Variants in CCSER1 observed in about 807,000 individuals in gnomAD.
CCSER1 encodes the protein coiled-coil serine rich protein 1.
In CCSER1, 41 loss-of-function variants were observed where a neutral mutation model predicts 82.0. That is an observed-to-expected ratio of 0.50 (90% CI 0.39 to 0.65). The LOEUF (loss-of-function observed/expected upper bound fraction) is 0.65. Among genes scored for constraint, CCSER1 ranks in the 30% least tolerant of loss-of-function variants. The probability of loss-of-function intolerance (pLI) is 0.00; values close to 1 mark genes in which losing one functional copy is unlikely to be tolerated. For synonymous variants in CCSER1, 414 were observed against 383.9 expected (o/e 1.08, Z -0.92); for missense variants, 1,119 against 1,064.2 (o/e 1.05, Z -0.72).
At chr4:90,825,433 G>A (rs17188252) in intron 8 of CCSER1, among the ~76,000 whole-genome samples, 24,935 of 151,820 alleles carry the variant, frequency 0.16, 2,561 homozygotes, top group South Asian at 0.26. Context: ...TTTAACAAAC[G>A]CAACAATTTA....
chr4:90,696,765 C>G (rs1737064273), intron 6 of CCSER1, among the ~76,000 whole-genome samples: 1 of 152,100 alleles, frequency 6.6e-6, no homozygotes, highest in Non-Finnish European at 1.5e-5. Context: ...CTATTACTCT[C>G]CATTTCACAG....
At chr4:91,384,429 G>GTTAC (rs1751141318) in intron 10 of CCSER1, among the ~76,000 whole-genome samples, 2 of 79,926 alleles carry the variant, frequency 2.5e-5, no homozygotes, top group Admixed American at 2.7e-4. Flanking sequence ...CATGATATTA[G>GTTAC]ATTTTTCAAA....
chr4:91,473,459 T>C (rs759852806), intron 10 of CCSER1, among the ~76,000 whole-genome samples: 3 of 152,118 alleles, frequency 2.0e-5, no homozygotes, highest in Non-Finnish European at 4.4e-5. Context: ...TCATTTGGTC[T>C]GGGATTTCTT....
In CCSER1 at chr4:91,041,140, G is replaced by A. The variant is rs140650216; in HGVS notation, c.2173-44810G>A. On this transcript the variant is annotated intron_variant, in intron 9 of 10. Transcript: ENST00000509176. The stretch of plus-strand genomic sequence containing the variant: ...GTATCAGGTGGACTAGGGGAGATGA[G>A]GGGGAGGAATCAGGAAAGCAATGGG... 5.6e-3 allele frequency among the ~76,000 whole-genome samples: 856 copies of A among 152,244 alleles called. 5 individuals are homozygous for A. The highest frequency in any genetic ancestry group is 7.4e-3 in the Non-Finnish European group (504 of 68,010).
At chr4:91,007,621 G>C (rs1599457) in intron 9 of CCSER1, among the ~76,000 whole-genome samples, 49,346 of 145,124 alleles carry the variant, frequency 0.34, 9,150 homozygotes, top group Middle Eastern at 0.44. Context: ...CTATTTATTT[G>C]TCTTCTCTTT....
At chr4:90,218,121 G>A (rs1413916853) in intron 1 of CCSER1, among the ~76,000 whole-genome samples, 1 of 152,112 alleles carries the variant, frequency 6.6e-6, no homozygotes, top group African/African-American at 2.4e-5. Context: ...AGTTTCTTAA[G>A]GGTTTTTATC....
chr4:91,167,646 G>A (rs984777423), intron 10 of CCSER1, among the ~76,000 whole-genome samples: 1 of 152,140 alleles, frequency 6.6e-6, no homozygotes, highest in African/African-American at 2.4e-5. Flanking sequence ...TTATGCAACT[G>A]TTTGCTTAAT....
chr4:91,324,125 A>G (rs1472858293), intron 10 of CCSER1, among the ~76,000 whole-genome samples: 2 of 152,182 alleles, frequency 1.3e-5, no homozygotes, highest in Non-Finnish European at 2.9e-5. Context: ...AATGGAAACA[A>G]TTTAGGTAGA....
intron 9 of CCSER1, among the ~76,000 whole-genome samples, chr4:90,952,961 A>T (rs554497684): frequency 6.6e-6 from 1 of 152,180 alleles, no homozygotes; most frequent in African/African-American, 2.4e-5. Flanking sequence ...CCATAGAAAA[A>T]TTATCTAAAT....
chr4:91,123,883 C>A (rs138711460), intron 10 of CCSER1, among the ~76,000 whole-genome samples: 1 of 151,698 alleles, frequency 6.6e-6, no homozygotes, highest in Non-Finnish European at 1.5e-5. Flanking sequence ...ATAGTGTCAT[C>A]CTAATTTAAT....
intron 9 of CCSER1, among the ~76,000 whole-genome samples, chr4:90,953,270 G>A (rs1337935234): frequency 6.6e-6 from 1 of 151,622 alleles, no homozygotes; most frequent in Non-Finnish European, 1.5e-5. Context: ...GATCATCTTA[G>A]AACATCAAGG....
At chr4:91,165,723 G>C (rs1416961934) in intron 10 of CCSER1, among the ~76,000 whole-genome samples, 4 of 152,226 alleles carry the variant, frequency 2.6e-5, no homozygotes, top group Non-Finnish European at 4.4e-5. Flanking sequence ...CCATGGGCAT[G>C]GCACCCGCCA....
intron 5 of CCSER1, among the ~76,000 whole-genome samples, chr4:90,543,592 C>T (rs1327448619): frequency 1.3e-5 from 2 of 152,210 alleles, no homozygotes; most frequent in African/African-American, 2.4e-5. Context: ...TACCAGGCAC[C>T]CCATGACAGA....
At chr4:91,061,590 G>C (rs1581451703) in intron 9 of CCSER1, among the ~76,000 whole-genome samples, 1 of 151,864 alleles carries the variant, frequency 6.6e-6, no homozygotes, top group Non-Finnish European at 1.5e-5. Context: ...TTTCCCTGAA[G>C]CTATAACAAG....
At chr4:90,228,826 A>G (rs1743812209) in intron 1 of CCSER1, among the ~76,000 whole-genome samples, 1 of 152,262 alleles carries the variant, frequency 6.6e-6, no homozygotes, top group Non-Finnish European at 1.5e-5. Flanking sequence ...TGAAGAATGC[A>G]GAAGCCTCAG....
Position 91,148,753 on chromosome 4 carries a change from C to T in CCSER1, c.2217+62759C>T, listed in dbSNP as rs114796287. ...TGTGGTGTTTGGTTTTCTATTCTTA[C>T]GATAGTTTGCTGAGAATGATGGTTT... On this transcript the variant is annotated intron_variant, in intron 10 of 10. Coordinates refer to ENST00000509176, the MANE Select transcript of CCSER1 (RefSeq NM_001145065.2). Among the ~76,000 whole-genome samples the T allele has an allele frequency of 8.5e-3, 1,291 of 152,184 alleles. 8 individuals are homozygous for T. Among genetic ancestry groups the T allele is most frequent in the African/African-American group, 0.02 (836 of 41,526 alleles).
At chr4:90,544,135 C>T (rs536642701) in intron 5 of CCSER1, among the ~76,000 whole-genome samples, 10 of 152,152 alleles carry the variant, frequency 6.6e-5, no homozygotes, top group South Asian at 6.2e-4. Context: ...ACAGAAGAAC[C>T]GTGAGATTAG....
intron 7 of CCSER1, among the ~76,000 whole-genome samples, chr4:90,725,749 A>G (rs1743517885): frequency 6.6e-6 from 1 of 151,856 alleles, no homozygotes; most frequent in African/African-American, 2.4e-5. Context: ...AGTATAAAGC[A>G]TTGTAATTCC....
chr4:90,701,461 A>G (rs1228390927), intron 6 of CCSER1, among the ~76,000 whole-genome samples: 2 of 152,156 alleles, frequency 1.3e-5, no homozygotes, highest in African/African-American at 2.4e-5. Flanking sequence ...TGTCTTGGCA[A>G]TGTGGGCTCT....
Sources: allele counts gnomAD v4.1 joint callset (sites outside exome capture counted in the v4.1 genomes callset), GRCh38; gene constraint gnomAD v4.1.1; transcripts MANE v1.5; gene names NCBI Gene and HGNC (gene_info 2026-07-23, HGNC 2026-07-21).